EPAS1: variants seen among roughly 807,000 people sequenced by gnomAD.
EPAS1 encodes endothelial PAS domain-containing protein 1.
EPAS1 carries 23 observed loss-of-function variants against 87.9 expected under a neutral mutation model. The ratio of observed to expected loss-of-function variants is 0.26; its 90% CI spans 0.19 to 0.37. The LOEUF (loss-of-function observed/expected upper bound fraction) is 0.37, where lower values mean the gene tolerates loss of function less well. Among genes scored for constraint, EPAS1 ranks in the 10% least tolerant of loss-of-function variants. The pLI is 1.00. For missense variants in EPAS1, 1,138 were observed against 1,120.7 expected, an observed-to-expected ratio of 1.02 and a Z score of -0.22; for synonymous variants, 508 against 444.3, an observed-to-expected ratio of 1.14 and a Z score of -1.80.
At position 46,356,834 on chromosome 2, in the gene EPAS1, T is replaced by C. The variant is rs368194877; in HGVS notation, c.454+26T>C. ...GTATCCTTAATTGTGTTTACTTCCT[T>C]CTTGCCCCCACTGGGTGGGAATCTG... On this transcript the variant is annotated intron_variant, in intron 4 of 15. Transcript: ENST00000263734. 33 of 1,555,860 alleles carry C rather than the reference T, an allele frequency of 2.1e-5. No homozygotes were observed. The African/African-American group carries it at 3.8e-4, about 18-fold the overall frequency.
intron 1 of EPAS1, among the ~76,000 whole-genome samples, chr2:46,337,222 CAG>C (rs1439085815): frequency 3.9e-5 from 6 of 152,222 alleles, no homozygotes; most frequent in Middle Eastern, 3.4e-3. Flanking sequence ...GTTAGGGAGA[CAG>C]AAGCCACAGA....
chr2:46,370,308 C>G (rs895826163), intron 7 of EPAS1, among the ~76,000 whole-genome samples: 3 of 152,204 alleles, frequency 2.0e-5, no homozygotes, highest in Admixed American at 2.0e-4. Context: ...AACATATCAT[C>G]AACTTGGGTG....
At chr2:46,337,776 A>T (rs561408781) in intron 1 of EPAS1, among the ~76,000 whole-genome samples, 41 of 152,154 alleles carry the variant, frequency 2.7e-4, no homozygotes, top group Non-Finnish European at 2.1e-4. Context: ...AAGCCCAGAG[A>T]GGTGGCACCA....
At chr2:46,356,062 C>T (rs2103627935) in intron 2 of EPAS1, 89 bp from the exon 3 acceptor site, 1 of 1,432,696 alleles carries the variant, frequency 7.0e-7, no homozygotes, top group Non-Finnish European at 9.8e-7. Flanking sequence ...AATGCCTTTG[C>T]ACCATCCCTG....
At chr2:46,356,570 T>G (rs114262222) in intron 3 of EPAS1, among the ~76,000 whole-genome samples, 154 bp from the exon 4 acceptor site, 587 of 152,320 alleles carry the variant, frequency 3.9e-3, no homozygotes, top group African/African-American at 0.014. Flanking sequence ...CGATTACATC[T>G]TTCTGTCTGT....
chr2:46,370,336 T>A (rs574248741), intron 7 of EPAS1, among the ~76,000 whole-genome samples: 2 of 152,190 alleles, frequency 1.3e-5, no homozygotes, highest in South Asian at 4.1e-4. Context: ...TAGATTCAAG[T>A]ACATACATTC....
chr2:46,320,234 G>C (rs1299024843), intron 1 of EPAS1, among the ~76,000 whole-genome samples: 1 of 152,212 alleles, frequency 6.6e-6, no homozygotes, highest in Non-Finnish European at 1.5e-5. Context: ...TTTTCGGTGT[G>C]TGGAAATTTG....
intron 12 of EPAS1, 195 bp from the exon 13 acceptor site, chr2:46,381,401 A>G (rs1022012314): frequency 2.5e-6 from 2 of 795,456 alleles, no homozygotes; most frequent in Admixed American, 4.3e-5. Context: ...GCCCTTCAGC[A>G]TCTTATAGCT....
At chr2:46,379,003 T>A (rs1684821982) in intron 11 of EPAS1, among the ~76,000 whole-genome samples, 1 of 152,214 alleles carries the variant, frequency 6.6e-6, no homozygotes, top group South Asian at 2.1e-4. Flanking sequence ...TAGATAGCTT[T>A]CTTAGCACAC....
chr2:46,321,171 AT>A (rs1439119414), intron 1 of EPAS1, among the ~76,000 whole-genome samples: 1 of 152,242 alleles, frequency 6.6e-6, no homozygotes, highest in Non-Finnish European at 1.5e-5. Flanking sequence ...ACTTAGCATA[AT>A]GTTTTCAAGG....
At chr2:46,343,733 G>A (rs1268040385) in intron 1 of EPAS1, among the ~76,000 whole-genome samples, 2 of 152,354 alleles carry the variant, frequency 1.3e-5, no homozygotes, top group East Asian at 3.9e-4. Context: ...GGAAGCTAAG[G>A]TGTTGCTGTT....
intron 4 of EPAS1, among the ~76,000 whole-genome samples, chr2:46,358,946 C>T (rs539196996): frequency 3.4e-4 from 51 of 152,156 alleles, no homozygotes; most frequent in Non-Finnish European, 6.0e-4. Flanking sequence ...GTGGAGTGAT[C>T]TGTGTGGAGC....
intron 10 of EPAS1, 39 bp downstream of exon 10, chr2:46,378,126 C>A (rs1294774165): frequency 6.4e-7 from 1 of 1,559,118 alleles, no homozygotes; most frequent in African/African-American, 1.4e-5. Flanking sequence ...AGAGAGGGCT[C>A]CGTATGTATG....
At chr2:46,377,735 C>A (rs1443445221) in intron 9 of EPAS1, among the ~76,000 whole-genome samples, 159 bp from the exon 10 acceptor site, 1 of 152,198 alleles carries the variant, frequency 6.6e-6, no homozygotes, top group East Asian at 1.9e-4. Context: ...AGTCAAAGAC[C>A]CATGTGTTCC....
chr2:46,362,746 G>C (rs773104306), intron 6 of EPAS1, among the ~76,000 whole-genome samples: 4 of 152,174 alleles, frequency 2.6e-5, no homozygotes, highest in Non-Finnish European at 5.9e-5. Context: ...ACCACTTGTG[G>C]CACAATTTCA....
rs765596925 is a variant in EPAS1, at chr2:46,380,576, C to G, written c.1904C>G (p.Ser635Cys). Residue 635 changes from serine (S) to cysteine (C), a missense_variant, in exon 12 of 16, where the codon TCC (serine) becomes TGC (cysteine). Coordinates refer to ENST00000263734, the MANE Select transcript of EPAS1 (RefSeq NM_001430.5). The surrounding 1 kb of genome is among the most constrained non-coding windows in gnomAD (Gnocchi z 4.4). ...CCTCTCTCTTCCATGGGGGGCAGAT[C>G]CAATACCCAGTGGCCCCCAGATCCA... ...STPLSSMGGR[S>C]NTQWPPDPPL... is the part of the protein sequence containing the mutation. The G allele has an allele frequency of 6.2e-7, 1 of 1,614,012 alleles. No individual in the cohort carries two copies. Among genetic ancestry groups the G allele is most frequent in the Non-Finnish European group, 8.5e-7 (1 of 1,180,022 alleles).
Position 46,380,681 on chromosome 2 carries a change from CTGTCTCTCCACCCCA to C in EPAS1, c.2016_2030del (p.Pro673_Ser677del). 3 of 1,613,732 alleles carry C rather than the reference CTGTCTCTCCACCCCA, an allele frequency of 1.9e-6. No individual in the cohort carries two copies. In the South Asian group the frequency reaches 3.3e-5, roughly 18 times the overall value. ...TTGGGAGCAGCGCCGTTGGGGCCCCCTGTCTCTCCACCCCATGTCTCCACCTTCAAGACAAGGTAA... is the reference window on the plus strand; with the variant it reads ...TTGGGAGCAGCGCCGTTGGGGCCCCCTGTCTCCACCTTCAAGACAAGGTAA... On this transcript the variant is annotated inframe_deletion, in exon 12 of 16. Coordinates refer to ENST00000263734, the MANE Select transcript of EPAS1 (RefSeq NM_001430.5). The surrounding 1 kb of genome is among the most constrained non-coding windows in gnomAD (Gnocchi z 4.4).
chr2:46,384,706 C>T lies in EPAS1; in HGVS notation c.*46C>T. ...AGCACCTCTGCCGACGCCGTCCCACCAGCTTCACTCTCTCCGTCTGTTTTT... is the reference window on the plus strand; with the variant it reads ...AGCACCTCTGCCGACGCCGTCCCACTAGCTTCACTCTCTCCGTCTGTTTTT... On this transcript the variant is annotated 3_prime_UTR_variant, in exon 16 of 16. Transcript: ENST00000263734. 1 of 1,604,750 alleles carries T rather than the reference C, an allele frequency of 6.2e-7. No individual in the cohort carries two copies. The highest frequency in any genetic ancestry group is 1.3e-5 in the African/African-American group (1 of 74,886).
intron 6 of EPAS1, among the ~76,000 whole-genome samples, chr2:46,367,218 A>C (rs1281736939): frequency 6.6e-6 from 1 of 152,268 alleles, no homozygotes; most frequent in Non-Finnish European, 1.5e-5. Context: ...GCAGATTATA[A>C]TAAACATCTA....
Sources: allele counts gnomAD v4.1 joint callset (sites outside exome capture counted in the v4.1 genomes callset), GRCh38; gene constraint gnomAD v4.1.1; non-coding constraint Gnocchi (gnomAD v3.1); transcripts MANE v1.5; gene names NCBI Gene and HGNC (gene_info 2026-07-23, HGNC 2026-07-21).